Variants in KCNMB2 observed in about 807,000 individuals in gnomAD.
The protein encoded by KCNMB2 is calcium-activated potassium channel subunit beta-2.
KCNMB2 carries 9 observed loss-of-function variants against 24.5 expected under a neutral mutation model. The ratio of observed to expected loss-of-function variants is 0.37; its 90% confidence interval spans 0.22 to 0.64. The LOEUF is 0.64. Ranked by LOEUF, KCNMB2 falls within the 30% of genes least tolerant of loss-of-function variation. KCNMB2 has a pLI of 0.63. For synonymous variants in KCNMB2, 109 were observed against 104.4 expected, an observed-to-expected ratio of 1.04 and a Z score of -0.27; for missense variants, 226 against 284.3, an observed-to-expected ratio of 0.79 and a Z score of 1.47.
At chr3:178,835,937 A>G (rs746246453) in intron 4 of KCNMB2, among the ~76,000 whole-genome samples, 14 of 152,148 alleles carry the variant, frequency 9.2e-5, no homozygotes, top group Non-Finnish European at 1.8e-4. Flanking sequence ...ATAACATGCT[A>G]CATGGTATAT....
chr3:178,629,870 A>G (rs961573929), intron 1 of KCNMB2, among the ~76,000 whole-genome samples: 1 of 152,232 alleles, frequency 6.6e-6, no homozygotes, highest in East Asian at 1.9e-4. Flanking sequence ...ACATACCTCC[A>G]TACTTTCAAA....
intron 1 of KCNMB2, among the ~76,000 whole-genome samples, chr3:178,806,146 A>G (rs1713958588): frequency 6.6e-6 from 1 of 152,200 alleles, no homozygotes; most frequent in African/African-American, 2.4e-5. Context: ...TCTCTAAAGA[A>G]TATATTTTTC....
chr3:178,745,940 C>T (rs1255963492), intron 1 of KCNMB2, among the ~76,000 whole-genome samples: 2 of 152,200 alleles, frequency 1.3e-5, no homozygotes, highest in African/African-American at 4.8e-5. Context: ...CTCCCAGCTG[C>T]TTTCATGGAC....
In KCNMB2 at chr3:178,707,783, G is replaced by C. The variant is rs115820982; in HGVS notation, c.-67-99560G>C. Among the ~76,000 whole-genome samples the C allele has an allele frequency of 7.5e-3, 1,144 of 152,226 alleles. 15 individuals are homozygous for C. The highest frequency in any genetic ancestry group is 0.027 in the African/African-American group (1,109 of 41,532). On this transcript the variant is annotated intron_variant, in intron 1 of 4. Transcript: ENST00000452583. The stretch of plus-strand genomic sequence containing the variant: ...TCCTACCTAAGCAAATAGAAACCTA[G>C]CTCAGATTCATTTCCTGTAAGGGGC...
In KCNMB2 at chr3:178,740,411, C is replaced by T. The variant is rs182177146; in HGVS notation, c.-67-66932C>T. Among the ~76,000 whole-genome samples, 296 of 152,254 alleles carry T rather than the reference C, an allele frequency of 1.9e-3. 1 individual carries two copies. The highest frequency in any genetic ancestry group is 3.9e-3 in the South Asian group (19 of 4,816). On this transcript the variant is annotated intron_variant, in intron 1 of 4. Transcript: ENST00000452583. ...CTGGGATTACAGGCATTAGCCACCA[C>T]GCCTGGCCCCCGTAAACATTTTTTA...
At chr3:178,614,915 GA>G (rs967386283) in intron 1 of KCNMB2, among the ~76,000 whole-genome samples, 4 of 152,144 alleles carry the variant, frequency 2.6e-5, no homozygotes, top group African/African-American at 9.7e-5. Flanking sequence ...TGTCCTTCTT[GA>G]AAAGGCTTTT....
intron 1 of KCNMB2, among the ~76,000 whole-genome samples, chr3:178,767,936 CTT>C (rs980001690): frequency 2.6e-5 from 4 of 152,176 alleles, no homozygotes; most frequent in Non-Finnish European, 5.9e-5. Context: ...TGTCAAGACA[CTT>C]TCTTCTTTGA....
chr3:178,786,056 C>T (rs1450657354), intron 1 of KCNMB2, among the ~76,000 whole-genome samples: 4 of 152,142 alleles, frequency 2.6e-5, no homozygotes, highest in Non-Finnish European at 4.4e-5. Flanking sequence ...AGTTTCTTAC[C>T]ACAATTGCAC....
intron 1 of KCNMB2, among the ~76,000 whole-genome samples, chr3:178,551,239 T>G (rs1715943279): frequency 6.6e-6 from 1 of 152,238 alleles, no homozygotes; most frequent in African/African-American, 2.4e-5. Context: ...GTTGATGAAC[T>G]AGTATCTTAT....
chr3:178,782,271 A>G (rs1249061496), intron 1 of KCNMB2, among the ~76,000 whole-genome samples: 195 of 119,530 alleles, frequency 1.6e-3, no homozygotes, highest in Admixed American at 4.6e-3. Context: ...GTGTCTTTAT[A>G]GCAGCATGAT....
intron 1 of KCNMB2, among the ~76,000 whole-genome samples, chr3:178,570,515 C>CTTTTTTTTTTTTTTT (rs200106452): frequency 8.7e-6 from 1 of 114,598 alleles, no homozygotes; most frequent in African/African-American, 3.0e-5. Flanking sequence ...GTAATGATAC[C>CTTTTTTTTTTTTTTT]TTTTTTTTTT....
intron 1 of KCNMB2, among the ~76,000 whole-genome samples, chr3:178,554,269 G>A (rs765973089): frequency 3.3e-5 from 5 of 152,144 alleles, no homozygotes; most frequent in Non-Finnish European, 7.3e-5. Flanking sequence ...AAACCACTAT[G>A]CAGGTAAAAT....
At chr3:178,735,703 G>A (rs1723293076) in intron 1 of KCNMB2, among the ~76,000 whole-genome samples, 1 of 152,168 alleles carries the variant, frequency 6.6e-6, no homozygotes, top group Non-Finnish European at 1.5e-5. Flanking sequence ...CTTAGTACTG[G>A]TACATGTAAC....
At chr3:178,751,537 G>A (rs1472061144) in intron 1 of KCNMB2, among the ~76,000 whole-genome samples, 1 of 116,376 alleles carries the variant, frequency 8.6e-6, no homozygotes, top group African/African-American at 3.4e-5. Context: ...TCATGCCATT[G>A]CACTCCAGCC....
chr3:178,730,411 C>CCACACA (rs71628069), intron 1 of KCNMB2, among the ~76,000 whole-genome samples: 1 of 142,800 alleles, frequency 7.0e-6, no homozygotes, highest in Non-Finnish European at 1.5e-5. Flanking sequence ...CAACACCCCC[C>CCACACA]CACACACACA....
intron 1 of KCNMB2, among the ~76,000 whole-genome samples, chr3:178,715,646 G>A (rs1232346117): frequency 6.6e-6 from 1 of 152,174 alleles, no homozygotes; most frequent in Non-Finnish European, 1.5e-5. Context: ...CCATACTGCT[G>A]TCATGGGTTT....
At chr3:178,569,524 C>A (rs1716694169) in intron 1 of KCNMB2, among the ~76,000 whole-genome samples, 1 of 152,138 alleles carries the variant, frequency 6.6e-6, no homozygotes, top group Admixed American at 6.6e-5. Flanking sequence ...ACTTTTACAT[C>A]CTTGGTTGCT....
At chr3:178,733,444 A>G (rs1723216532) in intron 1 of KCNMB2, among the ~76,000 whole-genome samples, 1 of 152,086 alleles carries the variant, frequency 6.6e-6, no homozygotes, top group South Asian at 2.1e-4. Context: ...TTTTGAGAAG[A>G]GGAGGGATAT....
In KCNMB2 at chr3:178,636,765, G is replaced by T. The variant is rs181909778; in HGVS notation, c.-68+100054G>T. On this transcript the variant is annotated intron_variant, in intron 1 of 4. Coordinates refer to ENST00000452583, the MANE Select transcript of KCNMB2 (RefSeq NM_181361.3). ...ATTTTCTTCAACTTTTAAGTACACT[G>T]GTACATGTGCCAGATGTGCAGGTTT... 5.2e-4 allele frequency among the ~76,000 whole-genome samples: 79 copies of T among 152,268 alleles called. 1 individual carries two copies. The highest frequency in any genetic ancestry group is 1.8e-3 in the African/African-American group (75 of 41,556).
Sources: allele counts gnomAD v4.1 joint callset (sites outside exome capture counted in the v4.1 genomes callset), GRCh38; gene constraint gnomAD v4.1.1; transcripts MANE v1.5; gene names NCBI Gene and HGNC (gene_info 2026-07-23, HGNC 2026-07-21).